The following CRHBP variants were observed in gnomAD, a reference collection of about 807,000 sequenced individuals.
The protein encoded by CRHBP is corticotropin-releasing hormone-binding protein.
CRHBP carries 19 observed loss-of-function variants against 34.9 expected under a neutral mutation model. That is an observed-to-expected ratio of 0.55 (90% CI 0.38 to 0.80). The LOEUF (loss-of-function observed/expected upper bound fraction) is 0.80, where lower values mean the gene tolerates loss of function less well. Ranked by LOEUF, CRHBP falls within the 30% of genes least tolerant of loss-of-function variation. The probability of loss-of-function intolerance (pLI) is 0.00; values close to 1 mark genes in which losing one functional copy is unlikely to be tolerated. For missense variants in CRHBP, 328 were observed against 409.2 expected, an observed-to-expected ratio of 0.80 and a Z score of 1.71; for synonymous variants, 154 against 153.4, an observed-to-expected ratio of 1.00 and a Z score of -0.03.
chr5:76,956,763 T>G (rs940108795), intron 4 of CRHBP, among the ~76,000 whole-genome samples: 5 of 152,080 alleles, frequency 3.3e-5, no homozygotes, highest in African/African-American at 4.8e-5. Flanking sequence ...CTGCTAATTG[T>G]TTTTTCCCCA....
At chr5:76,979,577 C>T (rs941714858) in intron 3 of CRHBP, among the ~76,000 whole-genome samples, 1 of 152,090 alleles carries the variant, frequency 6.6e-6, no homozygotes, top group African/African-American at 2.4e-5. Flanking sequence ...TCTTGATCTC[C>T]TGACCTCATG....
intron 2 of CRHBP, among the ~76,000 whole-genome samples, chr5:76,976,084 G>A (rs1341530912): frequency 6.6e-6 from 1 of 151,148 alleles, no homozygotes; most frequent in Non-Finnish European, 1.5e-5. Flanking sequence ...AGAGGCCTCT[G>A]TGATCTTATA....
At chr5:76,976,351 CTG>C (rs1313796232) in intron 2 of CRHBP, 1 of 152,136 alleles carries the variant, frequency 6.6e-6, no homozygotes, top group Admixed American at 6.6e-5. Context: ...CAAAGACAAA[CTG>C]TATTTCCTTA....
At chr5:76,956,503 A>T (rs1745670647) in intron 4 of CRHBP, among the ~76,000 whole-genome samples, 1 of 152,246 alleles carries the variant, frequency 6.6e-6, no homozygotes, top group South Asian at 2.1e-4. Flanking sequence ...TGGGAGGCCA[A>T]GGCAGGCGGA....
Position 76,954,041 on chromosome 5 carries a change from T to C in CRHBP, c.188T>C (p.Met63Thr), listed in dbSNP as rs529618285. Residue 63 changes from methionine (M) to threonine (T), a missense_variant, in exon 3 of 7, where the codon ATG becomes ACG. Around this residue, in one of 3 missense-constraint regions of CRHBP, gnomAD observed 173 missense variants for 172.2 expected, o/e 1.00. Transcript: ENST00000274368. ...PYRRALRCLD[M>T]LSLQGQFTFT... ...CCTCCTCCCCCAGGGTGCCTGGACA[T>C]GCTGAGCCTCCAGGGCCAGTTCACC... 1 of 1,613,452 alleles carries C rather than the reference T, an allele frequency of 6.2e-7. No individual in the cohort carries two copies. Among genetic ancestry groups the C allele is most frequent in the South Asian group, 1.1e-5 (1 of 91,044 alleles).
chr5:76,979,764 A>G (rs1746090610), intron 3 of CRHBP, among the ~76,000 whole-genome samples: 3 of 152,232 alleles, frequency 2.0e-5, no homozygotes. Flanking sequence ...AAACCAAAAA[A>G]TTGGTATGAC....
chr5:76,975,803 C>CAAAAAAAAAAA (rs1158363151), intron 2 of CRHBP, among the ~76,000 whole-genome samples: 12 of 35,222 alleles, frequency 3.4e-4, no homozygotes, highest in East Asian at 1.3e-3. Context: ...GACTCTGTCT[C>CAAAAAAAAAAA]AAAAAAAAAA....
At chr5:76,980,514 AAT>A (rs1746103658) in intron 3 of CRHBP, among the ~76,000 whole-genome samples, 1 of 152,214 alleles carries the variant, frequency 6.6e-6, no homozygotes, top group African/African-American at 2.4e-5. Context: ...GTAACAAATC[AAT>A]TCCATTTCCA....
chr5:76,981,096 G>A (rs1163919244), exon 4 of CRHBP: 1 of 152,136 alleles, frequency 6.6e-6, no homozygotes, highest in Non-Finnish European at 1.5e-5. Flanking sequence ...AACAGCTGTT[G>A]AAGATGGCGA....
chr5:76,963,289 T>G lies in CRHBP; in HGVS notation c.694-54T>G, dbSNP rs78284172. The G allele has an allele frequency of 3.3e-3, 4,926 of 1,504,360 alleles. 145 individuals carry two copies. In the African/African-American group the frequency reaches 0.057, roughly 18 times the overall value. The allele number at this position is 1,504,360 out of a possible 1,614,324, so 93.2% of individuals were successfully genotyped here. A position where few individuals can be genotyped will look rare whatever the true frequency, so the allele number is the denominator to read the frequency against. On this transcript the variant is annotated intron_variant, in intron 5 of 6. Coordinates refer to ENST00000274368, the MANE Select transcript of CRHBP (RefSeq NM_001882.4). ...ATGGACCCGCTGTTGGTCAAATGGT[T>G]TGACTTCTGTAATTGGTTTAAATGT...
At chr5:76,970,710 AG>A (rs1745932477), downstream of CRHBP, among the ~76,000 whole-genome samples, 1 of 152,224 alleles carries the variant, frequency 6.6e-6, no homozygotes, top group South Asian at 2.1e-4. Context: ...CACCATCAGA[AG>A]TTTCTGGCTC....
downstream of CRHBP, among the ~76,000 whole-genome samples, chr5:76,970,734 A>G (rs1397707344): frequency 6.6e-6 from 1 of 152,196 alleles, no homozygotes; most frequent in East Asian, 1.9e-4. Flanking sequence ...AACCTTCATG[A>G]TTCCCTCATG....
At position 76,963,768 on chromosome 5, in the gene CRHBP, A is replaced by G. The variant is rs369978810; in HGVS notation, c.811+308A>G. On this transcript the variant is annotated intron_variant, in intron 6 of 6. Coordinates refer to ENST00000274368, the MANE Select transcript of CRHBP (RefSeq NM_001882.4). ...TCTCTGCTTTCATTTTCTAGAGACT[A>G]AAGAGTTTACTAACTGAAACACTTA... Among the ~76,000 whole-genome samples, 47 of 152,288 alleles carry G rather than the reference A, an allele frequency of 3.1e-4. No homozygotes were observed. In the East Asian group the frequency reaches 3.3e-3, roughly 11 times the overall value.
chr5:76,959,429 A>T (rs904347736), intron 5 of CRHBP, among the ~76,000 whole-genome samples: 2 of 152,232 alleles, frequency 1.3e-5, no homozygotes, highest in Non-Finnish European at 2.9e-5. Context: ...TTTGCCTAAA[A>T]AATATTAGCC....
chr5:76,963,847 CTG>C (rs1388411268), intron 6 of CRHBP, among the ~76,000 whole-genome samples: 5 of 152,204 alleles, frequency 3.3e-5, no homozygotes, highest in African/African-American at 7.2e-5. Context: ...AATGAAATAA[CTG>C]TTTTTTATGT....
At chr5:76,955,587 T>G in intron 3 of CRHBP, 66 bp from the exon 4 acceptor site, 2 of 1,470,518 alleles carry the variant, frequency 1.4e-6, no homozygotes, top group East Asian at 4.6e-5. Context: ...CCCCCCCTTT[T>G]CAACTCATTT....
chr5:76,975,578 G>T (rs957995468), intron 2 of CRHBP, among the ~76,000 whole-genome samples: 1 of 151,530 alleles, frequency 6.6e-6, no homozygotes, highest in African/African-American at 2.4e-5. Context: ...TGAGGTGGGT[G>T]GATTACTTAA....
At chr5:76,954,330 G>C (rs1355469269) in intron 3 of CRHBP, 144 bp downstream of exon 3, 1 of 1,039,046 alleles carries the variant, frequency 9.6e-7, no homozygotes, top group Non-Finnish European at 1.4e-6. Context: ...CCGAGTCGGA[G>C]AGGCGCGTTC....
downstream of CRHBP, among the ~76,000 whole-genome samples, chr5:76,973,059 A>G (rs1745972695): frequency 6.6e-6 from 1 of 152,236 alleles, no homozygotes; most frequent in Non-Finnish European, 1.5e-5. Context: ...CTGAATGACC[A>G]CATAGACGGC....
Sources: allele counts gnomAD v4.1 joint callset (sites outside exome capture counted in the v4.1 genomes callset), GRCh38; gene constraint gnomAD v4.1.1; regional missense constraint gnomAD v4.1.1; transcripts MANE v1.5; gene names NCBI Gene and HGNC (gene_info 2026-07-23, HGNC 2026-07-21).